The following HSPA12A variants were observed in gnomAD, a reference collection of about 807,000 sequenced individuals.
HSPA12A encodes heat shock protein family A (Hsp70) member 12A.
A neutral mutation model predicts 69.2 loss-of-function variants in HSPA12A; 28 were observed. That is an observed-to-expected ratio of 0.40 (90% CI 0.30 to 0.55). The LOEUF (loss-of-function observed/expected upper bound fraction) is 0.55, where lower values mean the gene tolerates loss of function less well. Ranked by LOEUF, HSPA12A falls within the 20% of genes least tolerant of loss-of-function variation. The probability of loss-of-function intolerance (pLI) is 0.38; values close to 1 mark genes in which losing one functional copy is unlikely to be tolerated. For synonymous variants in HSPA12A, 345 were observed against 370.5 expected (o/e 0.93, Z 0.79); for missense variants, 686 against 900.7 (o/e 0.76, Z 3.05).
At chr10:116,733,149 T>G (rs1851214033) in intron 1 of HSPA12A, among the ~76,000 whole-genome samples, 1 of 152,234 alleles carries the variant, frequency 6.6e-6, no homozygotes, top group African/African-American at 2.4e-5. Context: ...GAAACTTTCA[T>G]CTGTCCTTTG....
At chr10:116,786,561 A>G (rs1431604141) in intron 2 of HSPA12A, among the ~76,000 whole-genome samples, 1 of 152,210 alleles carries the variant, frequency 6.6e-6, no homozygotes, top group African/African-American at 2.4e-5. Context: ...CAAGAAATGT[A>G]CATTTAAATG....
chr10:116,828,561 G>A (rs1387557598), intron 2 of HSPA12A, among the ~76,000 whole-genome samples: 1 of 152,210 alleles, frequency 6.6e-6, no homozygotes, highest in Non-Finnish European at 1.5e-5. Context: ...TTCACAGTTA[G>A]TTGCCTTGCA....
chr10:116,787,666 C>T lies in HSPA12A; in HGVS notation c.91+47269G>A, dbSNP rs558046178. On this transcript the variant is annotated intron_variant, in intron 2 of 12. Transcript: ENST00000635765. ...GAAGAAGTGGGGCTAGGGTGGGAGGCGGGGAGCTTAGTTTTCACTTGCTTC... is the reference window on the plus strand; with the variant it reads ...GAAGAAGTGGGGCTAGGGTGGGAGGTGGGGAGCTTAGTTTTCACTTGCTTC... Among the ~76,000 whole-genome samples, 14 of 152,120 alleles carry T rather than the reference C, an allele frequency of 9.2e-5. 1 individual carries two copies. The highest frequency in any genetic ancestry group is 1.8e-4 in the Non-Finnish European group (12 of 67,988).
chr10:116,676,478 C>A lies in HSPA12A; in HGVS notation c.1311G>T (p.Ser437=), dbSNP rs11197793. ...CTGGACTCATCCGCAGCATCCCCTG[C>A]GAGGACCACTTCACAAAATCCACAC... ...KSNVDFVKWS[S]QGMLRMSPDA... The change falls in exon 11 of 12, where the codon TCG becomes TCT. Residue 437 remains serine (S), a synonymous_variant. Transcript: ENST00000369209. The A allele has an allele frequency of 0.012, 18,585 of 1,613,774 alleles. 132 individuals carry two copies. Among genetic ancestry groups the A allele is most frequent in the Non-Finnish European group, 0.014 (16,357 of 1,179,928 alleles).
At chr10:116,843,688 C>T (rs1378151939) in intron 1 of HSPA12A, among the ~76,000 whole-genome samples, 6 of 152,162 alleles carry the variant, frequency 3.9e-5, no homozygotes, top group Non-Finnish European at 8.8e-5. Context: ...TCTTTCTGAC[C>T]TAATCCATGG....
intron 2 of HSPA12A, among the ~76,000 whole-genome samples, chr10:116,756,119 G>A (rs1202592754): frequency 6.6e-6 from 1 of 152,174 alleles, no homozygotes; most frequent in Non-Finnish European, 1.5e-5. Context: ...TAAGGTGGAG[G>A]GATAATGAGG....
At chr10:116,781,232 C>T (rs968285925) in intron 2 of HSPA12A, among the ~76,000 whole-genome samples, 6 of 151,844 alleles carry the variant, frequency 4.0e-5, no homozygotes, top group Non-Finnish European at 8.8e-5. Context: ...CCCAGGAGGC[C>T]GAGGGTGCAG....
chr10:116,770,408 G>A (rs1195728268), intron 2 of HSPA12A, among the ~76,000 whole-genome samples: 1 of 152,234 alleles, frequency 6.6e-6, no homozygotes, highest in Non-Finnish European at 1.5e-5. Context: ...GGGCGGATCA[G>A]AGGCTCAGCG....
chr10:116,770,547 A>G (rs540808664), intron 2 of HSPA12A, among the ~76,000 whole-genome samples: 1 of 152,308 alleles, frequency 6.6e-6, no homozygotes, highest in East Asian at 1.9e-4. Flanking sequence ...GGGCGGCAGG[A>G]AATGGACCCA....
intron 1 of HSPA12A, among the ~76,000 whole-genome samples, chr10:116,708,731 T>C (rs532339377): frequency 6.6e-6 from 1 of 152,276 alleles, no homozygotes; most frequent in South Asian, 2.1e-4. Context: ...GTAAAGGACT[T>C]GAATAGACAT....
rs782582441 is a variant in HSPA12A, at chr10:116,681,246, A to G, written c.933T>C (p.Tyr311=). 6.7e-5 allele frequency: 108 copies of G among 1,613,840 alleles called. 1 individual carries two copies. The East Asian group carries it at 2.4e-3, about 35-fold the overall frequency. Residue 311 remains tyrosine, a synonymous_variant, in exon 9 of 12, where the codon TAT becomes TAC. Coordinates refer to ENST00000369209, the MANE Select transcript of HSPA12A (RefSeq NM_025015.3). ...IWSELEEGDK[Y]VVVDSGGGTV... The stretch of plus-strand genomic sequence containing the variant: ...TGCCACCGCCACTGTCCACAACCAC[A>G]TACTTATCACCTGGCACAAAAACAG...
At chr10:116,747,460 C>T (rs999680543), upstream of HSPA12A, among the ~76,000 whole-genome samples, 5 of 152,152 alleles carry the variant, frequency 3.3e-5, no homozygotes, top group African/African-American at 1.2e-4. Context: ...ACGGGACATC[C>T]CGGAAGCCAC....
chr10:116,688,130 G>A (rs1275003247), intron 6 of HSPA12A, among the ~76,000 whole-genome samples: 1 of 152,146 alleles, frequency 6.6e-6, no homozygotes, highest in East Asian at 1.9e-4. Context: ...GCAGACATGT[G>A]TAGCCTCTCC....
chr10:116,724,148 G>T (rs1850873043), intron 1 of HSPA12A, among the ~76,000 whole-genome samples: 1 of 152,144 alleles, frequency 6.6e-6, no homozygotes, highest in Non-Finnish European at 1.5e-5. Context: ...TCTTGAAAGT[G>T]GCTTTCTTGT....
chr10:116,695,889 G>A lies in HSPA12A; in HGVS notation c.546+2746C>T, dbSNP rs1350023014. ...ATGGTGGCACACACCTGTAGTCCCA[G>A]CTACTTGGGAGGCTGAGGCAAGGGA... On this transcript the variant is annotated intron_variant, in intron 5 of 11. Transcript: ENST00000369209. Among the ~76,000 whole-genome samples, 6 of 151,148 alleles carry A rather than the reference G, an allele frequency of 4.0e-5. No homozygotes were observed. The East Asian group carries it at 5.9e-4, about 15-fold the overall frequency.
intron 1 of HSPA12A, among the ~76,000 whole-genome samples, chr10:116,711,329 A>G (rs570418552): frequency 2.0e-5 from 3 of 152,344 alleles, no homozygotes; most frequent in African/African-American, 7.2e-5. Flanking sequence ...CTAAGTCAAC[A>G]CCTCGACACA....
At chr10:116,774,396 C>T (rs1173915837) in intron 2 of HSPA12A, among the ~76,000 whole-genome samples, 1 of 152,188 alleles carries the variant, frequency 6.6e-6, no homozygotes, top group Admixed American at 6.5e-5. Flanking sequence ...AGTCCCTGAC[C>T]AGTGTGGTCC....
At chr10:116,743,686 G>A (rs7083608), upstream of HSPA12A, among the ~76,000 whole-genome samples, 1 of 151,084 alleles carries the variant, frequency 6.6e-6, no homozygotes, top group Admixed American at 6.6e-5. Context: ...GGATGACGGA[G>A]TGGGCAGAGA....
intron 2 of HSPA12A, among the ~76,000 whole-genome samples, chr10:116,789,720 A>G (rs1259271740): frequency 6.6e-6 from 1 of 152,162 alleles, no homozygotes; most frequent in Non-Finnish European, 1.5e-5. Flanking sequence ...GACTATCAAC[A>G]CGTCGTAGAG....
Sources: gnomAD v4.1 joint callset for allele counts (sites outside exome capture counted in the v4.1 genomes callset) on GRCh38, gnomAD v4.1.1 for gene constraint, MANE v1.5 for transcripts, NCBI Gene and HGNC (gene_info 2026-07-23, HGNC 2026-07-21) for gene names.